The following APBB2 variants were observed in gnomAD, a reference collection of about 807,000 sequenced individuals.
The protein encoded by APBB2 is Fe65-like 1.
In APBB2, 38 loss-of-function variants were observed where a neutral mutation model predicts 82.5. The observed-to-expected ratio is 0.46, with a 90% CI of 0.36 to 0.60. The LOEUF (loss-of-function observed/expected upper bound fraction) is 0.60, where lower values mean the gene tolerates loss of function less well. Among genes scored for constraint, APBB2 ranks in the 20% least tolerant of loss-of-function variants. The pLI is 0.00. For synonymous variants in APBB2, 341 were observed against 368.2 expected (o/e 0.93, Z 0.85); for missense variants, 772 against 972.3 (o/e 0.79, Z 2.74).
At chr4:40,894,249 C>T (rs1328426396) in intron 10 of APBB2, among the ~76,000 whole-genome samples, 1 of 149,686 alleles carries the variant, frequency 6.7e-6, no homozygotes, top group Non-Finnish European at 1.5e-5. Context: ...GATCGCGCCA[C>T]TGCACTCCAG....
intron 1 of APBB2, among the ~76,000 whole-genome samples, chr4:41,198,625 T>G: frequency 6.6e-6 from 1 of 152,130 alleles, no homozygotes; most frequent in Non-Finnish European, 1.5e-5. Context: ...GCCGACTGAC[T>G]CCAAAGGCTT....
intron 6 of APBB2, among the ~76,000 whole-genome samples, chr4:40,960,816 T>C (rs1429352925): frequency 1.3e-5 from 2 of 152,128 alleles, no homozygotes; most frequent in East Asian, 3.8e-4. Context: ...TACAGCCATA[T>C]AAACTTTTAG....
chr4:41,025,385 G>C (rs1713572109), intron 5 of APBB2, among the ~76,000 whole-genome samples: 1 of 151,960 alleles, frequency 6.6e-6, no homozygotes, highest in African/African-American at 2.4e-5. Context: ...CGGAGAAAAG[G>C]GAACACTTAT....
chr4:40,819,189 C>CTTT (rs1228766862), intron 17 of APBB2, among the ~76,000 whole-genome samples: 1 of 65,492 alleles, frequency 1.5e-5, no homozygotes, highest in Non-Finnish European at 2.9e-5. Flanking sequence ...TTTTTTTTTT[C>CTTT]TTTTTTTTTT....
Position 40,816,132 on chromosome 4 carries a change from T to C in APBB2, c.2240A>G (p.Asp747Gly), listed in dbSNP as rs1745542174. 1 of 1,614,174 alleles carries C rather than the reference T, an allele frequency of 6.2e-7. No individual in the cohort carries two copies. The highest frequency in any genetic ancestry group is 8.5e-7 in the Non-Finnish European group (1 of 1,180,034). Residue 747 changes from aspartate to glycine, a missense_variant, in exon 18 of 18, where the codon GAC becomes GGC. Coordinates refer to ENST00000508593, the MANE Select transcript of APBB2 (RefSeq NM_004307.2). The stretch of plus-strand genomic sequence containing the variant: ...GACAGGGCGTTTCTGTTTCAAAGTG[T>C]CAATGAGGGATAAGACCCCTCGTTT... ...NVKRGVLSLI[D>G]TLKQKRPVTE...
intron 2 of APBB2, among the ~76,000 whole-genome samples, 167 bp downstream of exon 2, chr4:41,142,820 C>A (rs1240107215): frequency 6.6e-6 from 1 of 152,158 alleles, no homozygotes; most frequent in African/African-American, 2.4e-5. Context: ...TTACACTATA[C>A]ACAAAAGGCT....
rs1402143151 is a variant in APBB2, at chr4:41,030,411, G to A, written c.19+2825C>T. 5.3e-5 allele frequency among the ~76,000 whole-genome samples: 8 copies of A among 152,190 alleles called. 1 individual carries two copies. The South Asian group carries it at 1.7e-3, about 32-fold the overall frequency. ...CTGTTCAATTTCTTTTTTACTTTAA[G>A]GGACAGGGTCTCACTATGTTGCCCA... On this transcript the variant is annotated intron_variant, in intron 5 of 17. Coordinates refer to ENST00000508593, the MANE Select transcript of APBB2 (RefSeq NM_004307.2).
intron 1 of APBB2, among the ~76,000 whole-genome samples, chr4:41,210,233 C>CGAGG (rs1193804774): frequency 4.4e-4 from 67 of 152,320 alleles, no homozygotes; most frequent in Non-Finnish European, 8.8e-4. Context: ...ACGAAGACCT[C>CGAGG]TCTCCTCGAA....
At chr4:41,031,151 G>A (rs367582943) in intron 5 of APBB2, among the ~76,000 whole-genome samples, 10 of 152,226 alleles carry the variant, frequency 6.6e-5, no homozygotes, top group African/African-American at 2.4e-4. Flanking sequence ...CTTGAACCTG[G>A]GAGGCAAAGG....
chr4:40,970,590 G>A (rs914985413), intron 6 of APBB2, among the ~76,000 whole-genome samples: 6 of 152,046 alleles, frequency 3.9e-5, no homozygotes. Context: ...AGACTAGAAT[G>A]CTCTGACACC....
At chr4:41,168,208 GC>G (rs1767221910) in intron 1 of APBB2, among the ~76,000 whole-genome samples, 1 of 52,320 alleles carries the variant, frequency 1.9e-5, no homozygotes, top group Admixed American at 1.6e-4. Context: ...GGCGGAGCCT[GC>G]AGTGAGCCGA....
chr4:40,934,975 C>T, intron 8 of APBB2, 102 bp downstream of exon 8: 1 of 1,001,248 alleles, frequency 1.0e-6, no homozygotes. Context: ...ATCACTGTGT[C>T]CCTGCAGAAT....
chr4:40,934,754 C>T, intron 8 of APBB2, 55 bp from the exon 9 acceptor site: 2 of 1,272,716 alleles, frequency 1.6e-6, no homozygotes, highest in South Asian at 1.2e-5. Flanking sequence ...CCATTCATTG[C>T]CTCAAATATC....
intron 2 of APBB2, among the ~76,000 whole-genome samples, chr4:41,103,127 A>G (rs1746024310): frequency 6.6e-6 from 1 of 152,230 alleles, no homozygotes; most frequent in Non-Finnish European, 1.5e-5. Flanking sequence ...AACATATTGT[A>G]ATGCAATTTA....
chr4:41,074,001 C>T (rs1485991100), intron 3 of APBB2, among the ~76,000 whole-genome samples: 1 of 152,198 alleles, frequency 6.6e-6, no homozygotes, highest in African/African-American at 2.4e-5. Flanking sequence ...TGACACGTGC[C>T]TGTAGTCTCA....
chr4:40,830,704 G>C (rs2154301876), intron 12 of APBB2, 127 bp from the exon 13 acceptor site: 3 of 611,874 alleles, frequency 4.9e-6, no homozygotes, highest in Non-Finnish European at 8.8e-6. Context: ...ATGATTAAAA[G>C]AAAAATTAAA....
chr4:41,043,758 A>G (rs1467230497), intron 4 of APBB2, among the ~76,000 whole-genome samples: 5 of 152,036 alleles, frequency 3.3e-5, no homozygotes, highest in African/African-American at 1.2e-4. Flanking sequence ...CCTAGTCACC[A>G]TTAGTGCTGT....
At chr4:40,868,261 A>C (rs978818847) in intron 12 of APBB2, among the ~76,000 whole-genome samples, 1 of 152,220 alleles carries the variant, frequency 6.6e-6, no homozygotes, top group Non-Finnish European at 1.5e-5. Flanking sequence ...AATCAGAACC[A>C]CTGAGGCTGG....
chr4:41,070,450 C>A (rs183780570), intron 3 of APBB2, among the ~76,000 whole-genome samples: 1 of 152,012 alleles, frequency 6.6e-6, no homozygotes, highest in African/African-American at 2.4e-5. Flanking sequence ...GCTGGGATTA[C>A]AGGCATGCAC....
Sources: gnomAD v4.1 joint callset for allele counts (sites outside exome capture counted in the v4.1 genomes callset) on GRCh38, gnomAD v4.1.1 for gene constraint, MANE v1.5 for transcripts, NCBI Gene and HGNC (gene_info 2026-07-23, HGNC 2026-07-21) for gene names.